Variants in ADGRV1 observed in about 807,000 individuals in gnomAD.
The protein encoded by ADGRV1 is adhesion G protein-coupled receptor V1, also known as G-protein coupled receptor 98.
Under a neutral mutation model 596.2 loss-of-function variants are expected in ADGRV1, and 359 were observed. The ratio of observed to expected loss-of-function variants is 0.60; its 90% CI spans 0.55 to 0.66. The LOEUF is 0.66. Ranked by LOEUF, ADGRV1 falls within the 30% of genes least tolerant of loss-of-function variation. The pLI is 0.00. For synonymous variants in ADGRV1, 2,681 were observed against 2,679.2 expected (o/e 1.00, Z -0.02); for missense variants, 7,274 against 7,575.6 (o/e 0.96, Z 1.48).
At chr5:90,870,193 T>C (rs1768529461) in intron 83 of ADGRV1, among the ~76,000 whole-genome samples, 1 of 152,208 alleles carries the variant, frequency 6.6e-6, no homozygotes, top group Admixed American at 6.5e-5. Flanking sequence ...AACCTGTGTA[T>C]ATAGAATACA....
At chr5:90,764,408 G>A (rs958315536) in intron 59 of ADGRV1, among the ~76,000 whole-genome samples, 1 of 152,162 alleles carries the variant, frequency 6.6e-6, no homozygotes, top group African/African-American at 2.4e-5. Context: ...TTTCAGCAGG[G>A]ATTGAGCCAC....
intron 83 of ADGRV1, among the ~76,000 whole-genome samples, chr5:90,925,866 T>C (rs1774385646): frequency 2.4e-5 from 3 of 126,784 alleles, no homozygotes; most frequent in Non-Finnish European, 3.5e-5. Flanking sequence ...TGTCAAAGGC[T>C]TTTTCTGCAT....
chr5:90,821,783 C>G (rs1471474348), intron 75 of ADGRV1, among the ~76,000 whole-genome samples: 1 of 151,990 alleles, frequency 6.6e-6, no homozygotes, highest in Non-Finnish European at 1.5e-5. Context: ...TCTCAGATCT[C>G]CAGCTGCGTG....
At chr5:90,605,243 C>T (rs534270681) in intron 1 of ADGRV1, among the ~76,000 whole-genome samples, 73 of 152,048 alleles carry the variant, frequency 4.8e-4, no homozygotes, top group African/African-American at 1.6e-3. Flanking sequence ...GGTGAAACCT[C>T]GTCTCTAATA....
In ADGRV1 at chr5:90,759,550, G is replaced by A. The variant is rs1188700483; in HGVS notation, c.12082G>A (p.Asp4028Asn). The change falls in exon 58 of 90, where the codon GAT becomes AAT. Residue 4028 changes from aspartate (D) to asparagine (N), a missense_variant. Asp to Asn is a conservative substitution (Grantham distance 23, BLOSUM62 1). Transcript: ENST00000405460. ...GGTAACTGTTGTTATTCCACAAAATGATTCTCCATTTGGAGTATTTGGATT... is the reference window on the plus strand; with the variant it reads ...GGTAACTGTTGTTATTCCACAAAATAATTCTCCATTTGGAGTATTTGGATT... ...VVVTVVIPQNDSPFGVFGFEE... is the reference protein window; with the variant it reads ...VVVTVVIPQNNSPFGVFGFEE... The A allele has an allele frequency of 3.1e-6, 5 of 1,613,446 alleles. No individual in the cohort carries two copies. The East Asian group carries it at 8.9e-5, about 29-fold the overall frequency.
At chr5:90,881,364 C>T (rs531494039) in intron 83 of ADGRV1, among the ~76,000 whole-genome samples, 1 of 152,176 alleles carries the variant, frequency 6.6e-6, no homozygotes, top group Non-Finnish European at 1.5e-5. Context: ...AATTATGACC[C>T]TGTTAGCTTG....
chr5:90,721,365 G>A (rs918412309), intron 45 of ADGRV1, among the ~76,000 whole-genome samples: 4 of 151,586 alleles, frequency 2.6e-5, no homozygotes, highest in Admixed American at 6.6e-5. Context: ...TTAGCCGGGC[G>A]TAGTGGCAGG....
At position 90,693,265 on chromosome 5, in the gene ADGRV1, A is replaced by G. The variant is rs373979147; in HGVS notation, c.7133+479A>G. On this transcript the variant is annotated intron_variant, in intron 32 of 89. Coordinates refer to ENST00000405460, the MANE Select transcript of ADGRV1 (RefSeq NM_032119.4). ...GGGAATTGATTGCAGGTCCTTGGAT[A>G]TAACAAAATCCTTGGATGCTCCCCT... Among the ~76,000 whole-genome samples, 40 of 151,824 alleles carry G rather than the reference A, an allele frequency of 2.6e-4. 1 individual carries two copies. The South Asian group carries it at 4.8e-3, about 18-fold the overall frequency.
At chr5:90,730,325 A>C (rs4916816) in intron 50 of ADGRV1, among the ~76,000 whole-genome samples, 20,006 of 152,276 alleles carry the variant, frequency 0.13, 2,182 homozygotes, top group East Asian at 0.37. Context: ...AATATGGAGG[A>C]AAATATTAGT....
At chr5:91,079,128 A>G (rs896622597) in intron 86 of ADGRV1, among the ~76,000 whole-genome samples, 2 of 152,198 alleles carry the variant, frequency 1.3e-5, no homozygotes, top group Non-Finnish European at 2.9e-5. Flanking sequence ...AATGACCAAC[A>G]TTACAGGTTT....
intron 83 of ADGRV1, among the ~76,000 whole-genome samples, chr5:90,958,038 G>T (rs1000722969): frequency 2.3e-4 from 35 of 151,730 alleles, no homozygotes; most frequent in Middle Eastern, 3.4e-3. Context: ...TTATTTGGGA[G>T]GCTGAAGCAG....
intron 84 of ADGRV1, among the ~76,000 whole-genome samples, chr5:90,980,482 A>T (rs954303210): frequency 6.6e-6 from 1 of 152,214 alleles, no homozygotes; most frequent in Non-Finnish European, 1.5e-5. Context: ...TTTGGGCATA[A>T]TAACATTTCG....
intron 9 of ADGRV1, among the ~76,000 whole-genome samples, chr5:90,632,859 C>T (rs1765675135): frequency 6.6e-6 from 1 of 152,164 alleles, no homozygotes; most frequent in African/African-American, 2.4e-5. Context: ...TTATTAGTCA[C>T]TGACACAAGT....
chr5:90,808,068 TTAAGAG>T (rs1358149329), intron 73 of ADGRV1, among the ~76,000 whole-genome samples: 1 of 152,170 alleles, frequency 6.6e-6, no homozygotes, highest in African/African-American at 2.4e-5. Flanking sequence ...CCCCAAGTGA[TTAAGAG>T]TAAGAATAAG....
chr5:90,638,069 G>C (rs928614929), intron 11 of ADGRV1, 121 bp downstream of exon 11: 14 of 656,632 alleles, frequency 2.1e-5, no homozygotes, highest in Non-Finnish European at 3.0e-5. Context: ...AGTAAATAGT[G>C]TTATACTGGC....
chr5:91,086,895 AAGT>A (rs2126547379), intron 86 of ADGRV1, among the ~76,000 whole-genome samples: 1 of 152,260 alleles, frequency 6.6e-6, no homozygotes, highest in Non-Finnish European at 1.5e-5. Context: ...TTTTTCTGTA[AAGT>A]AATTATGTAT....
intron 86 of ADGRV1, among the ~76,000 whole-genome samples, chr5:91,095,999 A>AT (rs1342451883): frequency 1.3e-5 from 2 of 150,624 alleles, no homozygotes; most frequent in African/African-American, 5.0e-5. Flanking sequence ...ACCTCAGGTG[A>AT]TCCCCCCACC....
intron 67 of ADGRV1, among the ~76,000 whole-genome samples, chr5:90,786,433 G>A: frequency 6.6e-6 from 1 of 152,258 alleles, no homozygotes; most frequent in East Asian, 1.9e-4. Context: ...AGTGCAAATA[G>A]GATGCCATTA....
chr5:90,736,928 AT>A (rs976449001), intron 50 of ADGRV1, among the ~76,000 whole-genome samples: 5 of 149,184 alleles, frequency 3.4e-5, no homozygotes, highest in Non-Finnish European at 6.0e-5. Context: ...AGTTTTATTT[AT>A]TTTTTTCTAT....
Sources: allele counts gnomAD v4.1 joint callset (sites outside exome capture counted in the v4.1 genomes callset), GRCh38; gene constraint gnomAD v4.1.1; transcripts MANE v1.5; gene names NCBI Gene and HGNC (gene_info 2026-07-23, HGNC 2026-07-21).